The following ERCC6L2 variants were observed in gnomAD, a reference collection of about 807,000 sequenced individuals.
ERCC6L2 encodes DNA excision repair protein ERCC-6-like 2.
ERCC6L2 carries 77 observed loss-of-function variants against 132.0 expected under a neutral mutation model. The observed-to-expected ratio is 0.58, with a 90% CI of 0.49 to 0.71. ERCC6L2 has a LOEUF of 0.71. Among genes scored for constraint, ERCC6L2 ranks in the 30% least tolerant of loss-of-function variants. The pLI, the probability that ERCC6L2 is intolerant of heterozygous loss-of-function variation, is 0.00. For synonymous variants in ERCC6L2, 583 were observed against 632.4 expected (o/e 0.92, Z 1.17); for missense variants, 1,542 against 1,837.6 (o/e 0.84, Z 2.94).
chr9:95,928,188 T>G (rs1316597168), intron 10 of ERCC6L2, 38 bp downstream of exon 10: 1 of 1,477,336 alleles, frequency 6.8e-7, no homozygotes, highest in Non-Finnish European at 9.4e-7. Flanking sequence ...TTGGCCAGCC[T>G]CAACTTTTGA....
At chr9:95,901,724 A>T (rs1047674984) in intron 3 of ERCC6L2, among the ~76,000 whole-genome samples, 1 of 152,072 alleles carries the variant, frequency 6.6e-6, no homozygotes, top group Non-Finnish European at 1.5e-5. Flanking sequence ...TGCCACTATT[A>T]TGGATTTATT....
At chr9:95,944,272 T>C (rs1024616070) in intron 12 of ERCC6L2, among the ~76,000 whole-genome samples, 9 of 152,114 alleles carry the variant, frequency 5.9e-5, no homozygotes, top group African/African-American at 1.9e-4. Context: ...AAGCCAGATA[T>C]GAAAGGACAA....
chr9:95,923,175 G>C (rs991221595), intron 8 of ERCC6L2, 85 bp from the exon 9 acceptor site: 3 of 1,473,078 alleles, frequency 2.0e-6, no homozygotes, highest in Non-Finnish European at 2.7e-6. Context: ...TTTCTAAAAA[G>C]AATTTTTTTC....
chr9:96,004,614 C>A lies in ERCC6L2; in HGVS notation c.3587C>A (p.Ser1196Ter), dbSNP rs866197497. The change falls in exon 18 of 19, where the codon TCA becomes TAA. Residue 1196 changes from serine to a stop codon, truncating the protein, a stop_gained. Transcript: ENST00000653738. LOFTEE classifies it high-confidence loss of function. ...EGSISLPLYI[S>*]NPVNQKKKKV... ...AGCATTTCACTTCCTCTTTACATTT[C>A]AAATCCTGTAAACCAGAAGAAGAAA... 7.6e-7 allele frequency: 1 copy of A among 1,319,492 alleles called. No homozygotes were observed. Among genetic ancestry groups the A allele is most frequent in the Non-Finnish European group, 1.0e-6 (1 of 995,968 alleles). 81.7% of individuals were successfully genotyped at this position (1,319,492 alleles called of 1,614,324 possible).
chr9:95,909,471 C>T (rs1829238257), intron 4 of ERCC6L2, among the ~76,000 whole-genome samples: 1 of 152,180 alleles, frequency 6.6e-6, no homozygotes, highest in Non-Finnish European at 1.5e-5. Flanking sequence ...CCTCAACCCT[C>T]ACCTTGGGCA....
chr9:96,005,497 C>T (rs1336138414), intron 18 of ERCC6L2, among the ~76,000 whole-genome samples: 1 of 151,984 alleles, frequency 6.6e-6, no homozygotes, highest in Non-Finnish European at 1.5e-5. Context: ...TCAGGGAAGA[C>T]TGTCTACATG....
rs535223469 is a variant in ERCC6L2 at position 95,973,685 on chromosome 9, T to G, written c.3337+597T>G. Among the ~76,000 whole-genome samples the G allele has an allele frequency of 2.0e-5, 3 of 152,220 alleles. No homozygotes were observed. The East Asian group carries it at 5.8e-4, about 29-fold the overall frequency. On this transcript the variant is annotated intron_variant, in intron 16 of 18. Transcript: ENST00000653738. ...GACCTGCCCCCATCATTCAGTTACC[T>G]CCCACCAGGTCCCTCCCATGACACA...
At chr9:95,958,180 A>T (rs1312345090) in intron 13 of ERCC6L2, among the ~76,000 whole-genome samples, 1 of 151,976 alleles carries the variant, frequency 6.6e-6, no homozygotes, top group Admixed American at 6.6e-5. Flanking sequence ...AATGTCATCC[A>T]TGTCCCTACA....
rs73538556 is a variant in ERCC6L2 at position 96,039,524 on chromosome 9, A to C, written c.*1755+397A>C. Among the ~76,000 whole-genome samples, 1,027 of 152,196 alleles carry C rather than the reference A, an allele frequency of 6.7e-3. 12 individuals carry two copies. Among genetic ancestry groups the C allele is most frequent in the African/African-American group, 0.024 (984 of 41,522 alleles). On this transcript the variant is annotated intron_variant and NMD_transcript_variant, in intron 20 of 20. Coordinates refer to the ERCC6L2 transcript ENST00000670016. ...GTAGAGTCGTGACCCCTGGACAGTGAAGCCAGCCAGGGTAGCCAGGGTGGC... is the reference window on the plus strand; with the variant it reads ...GTAGAGTCGTGACCCCTGGACAGTGCAGCCAGCCAGGGTAGCCAGGGTGGC...
At chr9:95,971,885 A>C in intron 15 of ERCC6L2, 48 bp from the exon 16 acceptor site, 1 of 1,192,542 alleles carries the variant, frequency 8.4e-7, no homozygotes, top group Non-Finnish European at 1.1e-6. Context: ...TTGATTCCAC[A>C]TTATATCTTG....
chr9:95,914,983 C>T (rs751533414), intron 4 of ERCC6L2, among the ~76,000 whole-genome samples: 1 of 151,950 alleles, frequency 6.6e-6, no homozygotes, highest in Non-Finnish European at 1.5e-5. Context: ...TCATAGAACT[C>T]CTGGATTTTT....
At chr9:95,909,623 G>A (rs1829247521) in intron 4 of ERCC6L2, among the ~76,000 whole-genome samples, 1 of 152,168 alleles carries the variant, frequency 6.6e-6, no homozygotes, top group African/African-American at 2.4e-5. Context: ...ATGTTGAGGA[G>A]TGTATCAGTG....
chr9:96,023,655 G>A (rs1016913475), intron 19 of ERCC6L2, among the ~76,000 whole-genome samples: 6 of 152,222 alleles, frequency 3.9e-5, no homozygotes, highest in Admixed American at 3.9e-4. Flanking sequence ...CGCTCCTCCA[G>A]TGCCAGAAGC....
chr9:95,937,404 T>A (rs368102243), intron 11 of ERCC6L2, among the ~76,000 whole-genome samples: 3 of 152,250 alleles, frequency 2.0e-5, no homozygotes, highest in African/African-American at 4.8e-5. Flanking sequence ...CATGTGCTTC[T>A]TGTATAAAGC....
chr9:96,037,352 G>C (rs1834531846), intron 19 of ERCC6L2, among the ~76,000 whole-genome samples: 1 of 152,240 alleles, frequency 6.6e-6, no homozygotes, highest in South Asian at 2.1e-4. Context: ...CAACAGATGA[G>C]GAAACAGTAG....
rs545359697 is a variant in ERCC6L2, at chr9:95,908,904, G to A, written c.788+1633G>A. On this transcript the variant is annotated intron_variant, in intron 4 of 18. Transcript: ENST00000653738. ...TTCACATCAGCATTAAAATGATTTAGCATAGGATGAAAATGATGAACAATT... is the reference window on the plus strand; with the variant it reads ...TTCACATCAGCATTAAAATGATTTAACATAGGATGAAAATGATGAACAATT... 3.3e-5 allele frequency among the ~76,000 whole-genome samples: 5 copies of A among 152,160 alleles called. No individual in the cohort carries two copies. In the South Asian group the frequency reaches 1.0e-3, roughly 32 times the overall value.
chr9:95,987,368 A>G (rs1013620374), intron 17 of ERCC6L2, among the ~76,000 whole-genome samples: 2 of 152,206 alleles, frequency 1.3e-5, no homozygotes, highest in African/African-American at 4.8e-5. Flanking sequence ...CAAGTTAGTT[A>G]CTTTCTAGAT....
downstream of ERCC6L2, chr9:96,020,454 C>T (rs1402433590): frequency 3.2e-6 from 1 of 312,314 alleles, no homozygotes; most frequent in African/African-American, 2.2e-5. Context: ...AATTCACTGA[C>T]ATGCCAGCAA....
intron 17 of ERCC6L2, among the ~76,000 whole-genome samples, chr9:95,984,239 A>T (rs1195755016): frequency 6.7e-6 from 1 of 149,340 alleles, no homozygotes; most frequent in Non-Finnish European, 1.5e-5. Flanking sequence ...TATATATGTT[A>T]TATATGTTAT....
Sources: allele counts gnomAD v4.1 joint callset (sites outside exome capture counted in the v4.1 genomes callset), GRCh38; gene constraint gnomAD v4.1.1; transcripts MANE v1.5; gene names NCBI Gene and HGNC (gene_info 2026-07-23, HGNC 2026-07-21).